Variants in RABGEF1 observed in about 807,000 individuals in gnomAD.
RABGEF1 encodes rab5 GDP/GTP exchange factor.
In RABGEF1, 26 loss-of-function variants were observed where a neutral mutation model predicts 57.3. The ratio of observed to expected loss-of-function variants is 0.45; its 90% CI spans 0.33 to 0.63. RABGEF1 has a LOEUF of 0.63. RABGEF1 is among the 20% of genes least tolerant of loss of function. The pLI is 0.02. For synonymous variants in RABGEF1, 185 were observed against 210.7 expected (o/e 0.88, Z 1.06); for missense variants, 464 against 607.6 (o/e 0.76, Z 2.48).
rs367577091 is a variant in RABGEF1, at chr7:66,756,251, G to A, written c.-18+15459G>A. Among the ~76,000 whole-genome samples the A allele has an allele frequency of 7.8e-4, 119 of 152,274 alleles. 2 individuals carry two copies. The South Asian group carries it at 0.024, about 31-fold the overall frequency. On this transcript the variant is annotated intron_variant, in intron 1 of 8. Transcript: ENST00000284957. ...GTTAAATGATTTTTTTTGTTTGCCT[G>A]TCAGATTGACAAAAAATTAAAGTTC...
intron 1 of RABGEF1, among the ~76,000 whole-genome samples, chr7:66,749,390 G>C (rs534926028): frequency 8.1e-4 from 123 of 152,264 alleles, no homozygotes; most frequent in African/African-American, 2.9e-3. Flanking sequence ...TTCCTTAATT[G>C]TATATCCATA....
chr7:66,742,822 A>G (rs1701743625), intron 1 of RABGEF1, among the ~76,000 whole-genome samples: 1 of 152,074 alleles, frequency 6.6e-6, no homozygotes, highest in African/African-American at 2.4e-5. Flanking sequence ...GCCCTGGCTG[A>G]TCTCAAACTC....
chr7:66,771,601 T>C (rs1385006365), intron 1 of RABGEF1, among the ~76,000 whole-genome samples: 2 of 152,218 alleles, frequency 1.3e-5, no homozygotes, highest in Non-Finnish European at 2.9e-5. Flanking sequence ...CCTTTACATT[T>C]AGGTCTTTAA....
chr7:66,804,756 A>AG, intron 7 of RABGEF1, among the ~76,000 whole-genome samples: 1 of 149,702 alleles, frequency 6.7e-6, no homozygotes, highest in Non-Finnish European at 1.5e-5. Flanking sequence ...AAAAAAAAAA[A>AG]GTGTGGGCTT....
At chr7:66,748,550 T>G (rs1402655614) in intron 1 of RABGEF1, among the ~76,000 whole-genome samples, 1 of 152,192 alleles carries the variant, frequency 6.6e-6, no homozygotes, top group East Asian at 1.9e-4. Context: ...CATATTTGTT[T>G]GTTTGTTTTT....
intron 1 of RABGEF1, among the ~76,000 whole-genome samples, chr7:66,692,197 T>A (rs1791620434): frequency 6.6e-6 from 1 of 152,204 alleles, no homozygotes; most frequent in Admixed American, 6.5e-5. Context: ...ATTGGCAGAT[T>A]AAGAAGTTTC....
At chr7:66,772,973 A>C (rs1807549885) in intron 2 of RABGEF1, among the ~76,000 whole-genome samples, 1 of 152,048 alleles carries the variant, frequency 6.6e-6, no homozygotes, top group Non-Finnish European at 1.5e-5. Context: ...AGGAACTAAT[A>C]AAATGCCATG....
At chr7:66,671,408 A>G in the RABGEF1 span, among the ~76,000 whole-genome samples, 4 of 152,120 alleles carry the variant, frequency 2.6e-5, no homozygotes, top group Admixed American at 6.6e-5. Flanking sequence ...GTAATCCCAC[A>G]TAGGGGGGTA....
the RABGEF1 span, among the ~76,000 whole-genome samples, chr7:66,676,817 C>T: frequency 1.3e-5 from 2 of 152,216 alleles, no homozygotes; most frequent in Non-Finnish European, 2.9e-5. Context: ...CTCCTGGCTT[C>T]AAGCCTAGCT....
In RABGEF1 at chr7:66,763,399, T is replaced by C. The variant is rs1166615591; in HGVS notation, c.-17-8484T>C. On this transcript the variant is annotated intron_variant, in intron 1 of 8. Coordinates refer to ENST00000284957, the MANE Select transcript of RABGEF1 (RefSeq NM_014504.3). Reference sequence around the variant, plus strand: ...GTTGGCTGTCAGCCAGAAGTCATTCTCAGCTTCTAGAAGCCACTCAAATTT... The same window carrying C: ...GTTGGCTGTCAGCCAGAAGTCATTCCCAGCTTCTAGAAGCCACTCAAATTT... Among the ~76,000 whole-genome samples, 3 of 152,234 alleles carry C rather than the reference T, an allele frequency of 2.0e-5. No homozygotes were observed. The East Asian group carries it at 5.8e-4, about 29-fold the overall frequency.
intron 1 of RABGEF1, among the ~76,000 whole-genome samples, chr7:66,760,342 T>G (rs1472295457): frequency 6.6e-6 from 1 of 152,212 alleles, no homozygotes; most frequent in Non-Finnish European, 1.5e-5. Flanking sequence ...GTTAATAGTT[T>G]GTTCTTTTTA....
At chr7:66,697,194 C>T (rs1235214505) in intron 1 of RABGEF1, among the ~76,000 whole-genome samples, 2 of 152,196 alleles carry the variant, frequency 1.3e-5, no homozygotes, top group African/African-American at 4.8e-5. Flanking sequence ...GCCTGGGCTC[C>T]AGCCCAGCCC....
At position 66,810,907 on chromosome 7, in the gene RABGEF1, C is replaced by G. The variant is rs377595658; in HGVS notation, c.*1623C>G. On this transcript the variant is annotated 3_prime_UTR_variant, in exon 9 of 9. Coordinates refer to ENST00000284957, the MANE Select transcript of RABGEF1 (RefSeq NM_014504.3). ...ATAAGATCTATTAAGCTTGACACATCTGTGTCATCACGCACTGAAGACAGG... is the reference window on the plus strand; with the variant it reads ...ATAAGATCTATTAAGCTTGACACATGTGTGTCATCACGCACTGAAGACAGG... 5.3e-5 allele frequency: 8 copies of G among 152,342 alleles called. No homozygotes were observed. The East Asian group carries it at 7.7e-4, about 15-fold the overall frequency. 9.4% of individuals were successfully genotyped at this position (152,342 alleles called of 1,614,324 possible).
chr7:66,752,783 A>G (rs1001359648), intron 1 of RABGEF1, among the ~76,000 whole-genome samples: 1 of 152,150 alleles, frequency 6.6e-6, no homozygotes, highest in African/African-American at 2.4e-5. Context: ...AGTGATATTG[A>G]TGTACATTCA....
chr7:66,762,166 G>T (rs1804574512), intron 1 of RABGEF1, among the ~76,000 whole-genome samples: 1 of 152,192 alleles, frequency 6.6e-6, no homozygotes, highest in African/African-American at 2.4e-5. Flanking sequence ...CACCACACTG[G>T]TACTATTTGA....
At chr7:66,783,489 C>T (rs1648823167) in intron 3 of RABGEF1, among the ~76,000 whole-genome samples, 186 bp from the exon 4 acceptor site, 1 of 152,134 alleles carries the variant, frequency 6.6e-6, no homozygotes, top group African/African-American at 2.4e-5. Flanking sequence ...CTCATACTTC[C>T]TACTTGTAAA....
intron 4 of RABGEF1, among the ~76,000 whole-genome samples, chr7:66,784,312 T>G (rs1459665722): frequency 6.6e-6 from 1 of 152,240 alleles, no homozygotes; most frequent in Non-Finnish European, 1.5e-5. Context: ...CTTTAGCAAC[T>G]ATGGAGTTTC....
At chr7:66,773,662 T>C (rs1807765282) in intron 2 of RABGEF1, 1 of 453,530 alleles carries the variant, frequency 2.2e-6, no homozygotes, top group Non-Finnish European at 4.4e-6. Context: ...TGCTTGTGCT[T>C]TTTGTTTGTT....
chr7:66,759,704 A>G (rs114849840), intron 1 of RABGEF1, among the ~76,000 whole-genome samples: 5,880 of 152,232 alleles, frequency 0.039, 393 homozygotes, highest in African/African-American at 0.13. Flanking sequence ...AGAAGGTGCT[A>G]TACACGTTTA....
Sources: gnomAD v4.1 joint callset for allele counts (sites outside exome capture counted in the v4.1 genomes callset) on GRCh38, gnomAD v4.1.1 for gene constraint, MANE v1.5 for transcripts, NCBI Gene and HGNC (gene_info 2026-07-23, HGNC 2026-07-21) for gene names.